SHB: variants seen among roughly 807,000 people sequenced by gnomAD.
SHB encodes SH2 domain containing adaptor protein B.
In SHB, 20 loss-of-function variants were observed where a neutral mutation model predicts 52.3. That is an observed-to-expected ratio of 0.38 (90% CI 0.27 to 0.56). The LOEUF is 0.56. Ranked by LOEUF, SHB falls within the 20% of genes least tolerant of loss-of-function variation. The pLI, the probability that SHB is intolerant of heterozygous loss-of-function variation, is 0.71. For missense variants in SHB, 825 were observed against 723.3 expected (o/e 1.14, Z -1.61); for synonymous variants, 397 against 316.5 (o/e 1.25, Z -2.70).
At chr9:38,024,640 CCT>C (rs1277026964) in intron 1 of SHB, among the ~76,000 whole-genome samples, 2 of 152,198 alleles carry the variant, frequency 1.3e-5, no homozygotes, top group Non-Finnish European at 2.9e-5. Context: ...CTGGCTCCAC[CCT>C]CTGTTTACCC....
At chr9:38,022,075 C>A (rs1821288191) in intron 1 of SHB, among the ~76,000 whole-genome samples, 1 of 152,228 alleles carries the variant, frequency 6.6e-6, no homozygotes, top group Admixed American at 6.5e-5. Flanking sequence ...TGCTCCCAGT[C>A]AGACCATTTT....
intron 2 of SHB, among the ~76,000 whole-genome samples, chr9:37,979,419 T>C (rs1167024486): frequency 6.6e-6 from 1 of 152,062 alleles, no homozygotes; most frequent in African/African-American, 2.4e-5. Flanking sequence ...CTGGGCCCAT[T>C]CACCAGGAGA....
chr9:38,067,903 C>T (rs909629508), intron 1 of SHB, 26 bp downstream of exon 1: 59 of 1,444,136 alleles, frequency 4.1e-5, no homozygotes, highest in Middle Eastern at 4.4e-4. Context: ...TCTGGAACCT[C>T]GGGAAGAGGC....
chr9:37,941,260 T>C (rs1832430985), intron 5 of SHB, among the ~76,000 whole-genome samples: 2 of 152,214 alleles, frequency 1.3e-5, no homozygotes, highest in Non-Finnish European at 1.5e-5. Flanking sequence ...AGGTCCATAA[T>C]AAAGACATTT....
chr9:37,982,065 A>G (rs1251548531), intron 2 of SHB, among the ~76,000 whole-genome samples: 1 of 152,126 alleles, frequency 6.6e-6, no homozygotes, highest in African/African-American at 2.4e-5. Flanking sequence ...GACTTACTTG[A>G]AGGAAGGTTG....
intron 5 of SHB, among the ~76,000 whole-genome samples, chr9:37,925,364 G>A (rs2118462066): frequency 6.6e-6 from 1 of 152,364 alleles, no homozygotes; most frequent in South Asian, 2.1e-4. Context: ...AACTGGCAGA[G>A]TGGGAAGGAC....
intron 5 of SHB, among the ~76,000 whole-genome samples, chr9:37,927,562 G>A (rs571077605): frequency 6.6e-6 from 1 of 152,282 alleles, no homozygotes; most frequent in South Asian, 2.1e-4. Flanking sequence ...CTCTCCTGGC[G>A]AACATGTAGA....
chr9:37,952,842 A>G (rs1322803876), intron 4 of SHB, among the ~76,000 whole-genome samples: 1 of 152,082 alleles, frequency 6.6e-6, no homozygotes, highest in East Asian at 1.9e-4. Context: ...TCAGGAGCCC[A>G]GTTTTGAACA....
chr9:37,997,781 C>T (rs536729155), intron 2 of SHB, among the ~76,000 whole-genome samples: 3 of 152,340 alleles, frequency 2.0e-5, no homozygotes, highest in African/African-American at 4.8e-5. Context: ...CACTCTGCTC[C>T]ATCACCCCAG....
intron 3 of SHB, among the ~76,000 whole-genome samples, chr9:37,957,924 T>C (rs1832653791): frequency 6.6e-6 from 1 of 152,202 alleles, no homozygotes; most frequent in African/African-American, 2.4e-5. Flanking sequence ...GGGGTGGGAC[T>C]GTGCCTAGAG....
At chr9:38,034,098 C>T (rs1362085756) in intron 1 of SHB, among the ~76,000 whole-genome samples, 1 of 152,180 alleles carries the variant, frequency 6.6e-6, no homozygotes, top group Non-Finnish European at 1.5e-5. Flanking sequence ...TCTCTCATGG[C>T]CACACTTCCC....
At chr9:37,948,228 G>A (rs1397647189) in intron 5 of SHB, among the ~76,000 whole-genome samples, 1 of 152,184 alleles carries the variant, frequency 6.6e-6, no homozygotes, top group East Asian at 1.9e-4. Flanking sequence ...AGCCACTTGG[G>A]CCAGCCACAC....
intron 2 of SHB, among the ~76,000 whole-genome samples, chr9:37,997,836 C>T (rs1188070685): frequency 6.6e-6 from 1 of 152,228 alleles, no homozygotes; most frequent in Non-Finnish European, 1.5e-5. Flanking sequence ...AGGGCGACAG[C>T]AGCTTCTCAC....
At chr9:38,001,436 A>C (rs1298846549) in intron 2 of SHB, among the ~76,000 whole-genome samples, 1 of 152,250 alleles carries the variant, frequency 6.6e-6, no homozygotes, top group African/African-American at 2.4e-5. Flanking sequence ...GGCTCTGTCC[A>C]GACACAATTA....
chr9:38,048,224 G>T (rs1261536428), intron 1 of SHB, among the ~76,000 whole-genome samples: 1 of 151,972 alleles, frequency 6.6e-6, no homozygotes, highest in Non-Finnish European at 1.5e-5. Flanking sequence ...CAACCTTCCA[G>T]CGATAACCAG....
chr9:38,057,336 G>C (rs1821834928), intron 1 of SHB, among the ~76,000 whole-genome samples: 1 of 152,178 alleles, frequency 6.6e-6, no homozygotes, highest in Non-Finnish European at 1.5e-5. Context: ...AATGAAAAAT[G>C]GCTAGATGAA....
rs766123390 is a variant in SHB, at chr9:38,068,275, A to C, written c.371T>G (p.Val124Gly). 6.8e-7 allele frequency: 1 copy of C among 1,468,294 alleles called. No individual in the cohort carries two copies. The highest frequency in any genetic ancestry group is 3.0e-5 in the East Asian group (1 of 33,442). The allele number at this position is 1,468,294 out of a possible 1,614,324, so 91.0% of individuals were successfully genotyped here. A position where few individuals can be genotyped will look rare whatever the true frequency, so the allele number is the denominator to read the frequency against. Residue 124 changes from valine (V) to glycine (G), a missense_variant, in exon 1 of 6, where the codon GTC becomes GGC. Transcript: ENST00000377707. ...YCGGSGEPGG[V>G]QRAFSASSAS... ...GGACGAGGCCGAGAAGGCGCGCTGG[A>C]CCCCGCCTGGCTCCCCGCTGCCGCC...
At chr9:37,939,123 T>G (rs1033131487) in intron 5 of SHB, among the ~76,000 whole-genome samples, 1 of 152,204 alleles carries the variant, frequency 6.6e-6, no homozygotes, top group Non-Finnish European at 1.5e-5. Context: ...CAGGGCCAGA[T>G]AGGGCTTCCT....
At chr9:37,946,269 G>A (rs529245749) in intron 5 of SHB, among the ~76,000 whole-genome samples, 50 of 152,330 alleles carry the variant, frequency 3.3e-4, no homozygotes, top group Middle Eastern at 3.4e-3. Flanking sequence ...CAGAATCAAC[G>A]TGTCGTCAAG....
Sources: gnomAD v4.1 joint callset for allele counts (sites outside exome capture counted in the v4.1 genomes callset) on GRCh38, gnomAD v4.1.1 for gene constraint, MANE v1.5 for transcripts, NCBI Gene and HGNC (gene_info 2026-07-23, HGNC 2026-07-21) for gene names.